The following ERBIN variants were observed in gnomAD, a reference collection of about 807,000 sequenced individuals.
The protein encoded by ERBIN is densin-180-like protein.
In ERBIN, 60 loss-of-function variants were observed where a neutral mutation model predicts 158.4. The ratio of observed to expected loss-of-function variants is 0.38; its 90% CI spans 0.31 to 0.47. The LOEUF is 0.47. Ranked by LOEUF, ERBIN falls within the 20% of genes least tolerant of loss-of-function variation. ERBIN has a pLI of 0.99. For synonymous variants in ERBIN, 594 were observed against 557.2 expected, an observed-to-expected ratio of 1.07 and a Z score of -0.93; for missense variants, 1,610 against 1,648.0, an observed-to-expected ratio of 0.98 and a Z score of 0.40.
intron 1 of ERBIN, among the ~76,000 whole-genome samples, chr5:65,947,001 A>G (rs1170059720): frequency 6.6e-6 from 1 of 151,146 alleles, no homozygotes; most frequent in Non-Finnish European, 1.5e-5. Flanking sequence ...CTTTATATGG[A>G]TCCGTTTTTG....
Position 66,072,282 on chromosome 5 carries a change from C to G in ERBIN, c.3747C>G (p.Ser1249Arg). Reference sequence around the variant, plus strand: ...GTCACAAAGATGTTCCTCCAGACAGCTTGATGAAAGTGGGTGCTCGGGAAA... The same window carrying G: ...GTCACAAAGATGTTCCTCCAGACAGGTTGATGAAAGTGGGTGCTCGGGAAA... ...TLSHKDVPPD[S>R]LMKMPLSNGQ... Residue 1249 changes from serine to arginine, a missense_variant, in exon 22 of 26, where the codon AGC (serine) becomes AGG (arginine). This residue lies in a region of ERBIN where 1,014 missense variants were observed against 936.1 expected (regional missense o/e 1.08). Coordinates refer to ENST00000284037, the MANE Select transcript of ERBIN (RefSeq NM_001253697.2). The G allele has an allele frequency of 6.5e-7, 1 of 1,549,874 alleles. No homozygotes were observed. Among genetic ancestry groups the G allele is most frequent in the Non-Finnish European group, 8.7e-7 (1 of 1,146,678 alleles).
intron 14 of ERBIN, among the ~76,000 whole-genome samples, chr5:66,036,815 T>C (rs1757443817): frequency 6.6e-6 from 1 of 152,194 alleles, no homozygotes; most frequent in African/African-American, 2.4e-5. Flanking sequence ...TAATAGAATA[T>C]GTGAAATGAA....
chr5:65,958,907 G>C (rs1364241427), intron 1 of ERBIN, among the ~76,000 whole-genome samples: 2 of 152,104 alleles, frequency 1.3e-5, no homozygotes, highest in African/African-American at 4.8e-5. Context: ...GCTAGAGTAA[G>C]CTATGATGTT....
intron 7 of ERBIN, among the ~76,000 whole-genome samples, chr5:66,018,527 TTATATTATATAATATATATTA>T (rs1755191799): frequency 2.2e-4 from 1 of 4,570 alleles, no homozygotes; most frequent in African/African-American, 8.3e-4. Context: ...ATAATATATA[TTATATTATATAATATATATTA>T]TATATTATAT....
At chr5:65,958,196 C>T (rs1718065512) in intron 1 of ERBIN, among the ~76,000 whole-genome samples, 1 of 152,034 alleles carries the variant, frequency 6.6e-6, no homozygotes, top group Non-Finnish European at 1.5e-5. Flanking sequence ...GGCAGAGACG[C>T]TCCTCACTTC....
intron 14 of ERBIN, among the ~76,000 whole-genome samples, chr5:66,037,933 G>GATAAA (rs2151189206): frequency 6.6e-6 from 1 of 152,118 alleles, no homozygotes; most frequent in East Asian, 1.9e-4. Context: ...TCTCTTTTCA[G>GATAAA]CTGCTAACTA....
At position 66,081,913 on chromosome 5, in the gene ERBIN, AAAAAG is replaced by A. The variant is rs894801187; in HGVS notation, c.*3384_*3388del. The A allele has an allele frequency of 6.6e-5, 10 of 151,912 alleles. No individual in the cohort carries two copies. The highest frequency in any genetic ancestry group is 8.8e-5 in the Non-Finnish European group (6 of 67,934). The allele number at this position is 151,912 out of a possible 1,614,324, so 9.4% of individuals were successfully genotyped here. ...AGATGCCTCTTTAAAAAAAAAAAAG[AAAAAG>A]TAATCTAGACAGGCAGCCAACTCAG... On this transcript the variant is annotated 3_prime_UTR_variant, in exon 26 of 26. Coordinates refer to ENST00000284037, the MANE Select transcript of ERBIN (RefSeq NM_001253697.2).
Position 65,967,491 on chromosome 5 carries a change from G to C in ERBIN, c.-57-21144G>C, listed in dbSNP as rs187293494. The stretch of plus-strand genomic sequence containing the variant: ...ACTTATCATTGTGTCACAGATGCCT[G>C]CTGTATTCAGTACATCAGCATGCGG... On this transcript the variant is annotated intron_variant, in intron 1 of 25. Coordinates refer to ENST00000284037, the MANE Select transcript of ERBIN (RefSeq NM_001253697.2). 2.1e-3 allele frequency among the ~76,000 whole-genome samples: 325 copies of C among 152,224 alleles called. 2 individuals are homozygous for C. Among genetic ancestry groups the C allele is most frequent in the African/African-American group, 7.7e-3 (319 of 41,546 alleles).
At chr5:65,931,297 C>T (rs971913637) in intron 1 of ERBIN, among the ~76,000 whole-genome samples, 2 of 152,122 alleles carry the variant, frequency 1.3e-5, no homozygotes, top group Admixed American at 1.3e-4. Context: ...GAGAAAGGTA[C>T]GTTTACAGCA....
intron 4 of ERBIN, among the ~76,000 whole-genome samples, chr5:66,001,200 A>G (rs529320776): frequency 1.3e-5 from 2 of 152,274 alleles, no homozygotes; most frequent in Admixed American, 1.3e-4. Flanking sequence ...ATTTAATAAT[A>G]TAAGCTATTA....
chr5:65,993,749 G>A (rs533450833), intron 3 of ERBIN, among the ~76,000 whole-genome samples: 5 of 152,206 alleles, frequency 3.3e-5, no homozygotes, highest in South Asian at 2.1e-4. Context: ...TTTGGACTGC[G>A]AGAATTAGGA....
intron 1 of ERBIN, among the ~76,000 whole-genome samples, chr5:65,958,378 G>C (rs1475529559): frequency 1.3e-5 from 2 of 152,266 alleles, no homozygotes; most frequent in East Asian, 1.9e-4. Context: ...CGGCACCTCG[G>C]GAGGCGGAGG....
chr5:65,950,191 G>T (rs1245343114), intron 1 of ERBIN, among the ~76,000 whole-genome samples: 2 of 152,040 alleles, frequency 1.3e-5, no homozygotes, highest in Non-Finnish European at 2.9e-5. Flanking sequence ...ATGTTTAGTA[G>T]AGACGGGATT....
At chr5:65,958,624 ACCGTG>A in intron 1 of ERBIN, among the ~76,000 whole-genome samples, 2 of 132,136 alleles carry the variant, frequency 1.5e-5, no homozygotes, top group Admixed American at 8.1e-5. Flanking sequence ...GGAGAGGGAG[ACCGTG>A]GGGAGAGGGG....
chr5:66,021,219 C>A (rs1211673148), intron 7 of ERBIN, 103 bp from the exon 8 acceptor site: 3 of 585,890 alleles, frequency 5.1e-6, no homozygotes, highest in Non-Finnish European at 8.8e-6. Flanking sequence ...TGTGAAAGCC[C>A]ATAAATAATT....
At chr5:66,045,669 C>T (rs1395015174) in intron 17 of ERBIN, among the ~76,000 whole-genome samples, 1 of 152,124 alleles carries the variant, frequency 6.6e-6, no homozygotes, top group African/African-American at 2.4e-5. Flanking sequence ...AACAAATAAT[C>T]AGTGAAGTCC....
chr5:65,941,898 G>A (rs1329568453), intron 1 of ERBIN, among the ~76,000 whole-genome samples: 2 of 152,026 alleles, frequency 1.3e-5, no homozygotes, highest in Admixed American at 1.3e-4. Context: ...CCGCCGCCAC[G>A]CCTGGCTAAT....
intron 21 of ERBIN, 89 bp downstream of exon 21, chr5:66,055,040 T>G: frequency 6.9e-7 from 1 of 1,438,878 alleles, no homozygotes. Flanking sequence ...GAATTACTGA[T>G]TATCTCTTTA....
At chr5:65,987,106 G>A (rs568843923) in intron 1 of ERBIN, among the ~76,000 whole-genome samples, 55 of 152,000 alleles carry the variant, frequency 3.6e-4, no homozygotes, top group Non-Finnish European at 7.1e-4. Flanking sequence ...AGAATTAACC[G>A]GCACTTCACC....
Sources: allele counts gnomAD v4.1 joint callset (sites outside exome capture counted in the v4.1 genomes callset), GRCh38; gene constraint gnomAD v4.1.1; regional missense constraint gnomAD v4.1.1; transcripts MANE v1.5; gene names NCBI Gene and HGNC (gene_info 2026-07-23, HGNC 2026-07-21).